ZNF831: variants seen among roughly 807,000 people sequenced by gnomAD.
ZNF831 encodes the protein chromosome 20 open reading frame 174.
In ZNF831, 59 loss-of-function variants were observed where a neutral mutation model predicts 95.8. That is an observed-to-expected ratio of 0.62 (90% confidence interval 0.50 to 0.77). The LOEUF (loss-of-function observed/expected upper bound fraction) is 0.77. Among genes scored for constraint, ZNF831 ranks in the 30% least tolerant of loss-of-function variants. The pLI is 0.00. For missense variants in ZNF831, 2,205 were observed against 2,164.0 expected (o/e 1.02, Z -0.38); for synonymous variants, 961 against 925.5 (o/e 1.04, Z -0.70).
intron 1 of ZNF831, among the ~76,000 whole-genome samples, chr20:59,137,279 CTTT>C (rs11469830): frequency 0.14 from 21,350 of 148,984 alleles, 1,737 homozygotes; most frequent in East Asian, 0.29. Flanking sequence ...TCCAATACAT[CTTT>C]TTTTTTTTTT....
intron 4 of ZNF831, among the ~76,000 whole-genome samples, chr20:59,239,566 T>TC (rs1183821159): frequency 1.1e-3 from 166 of 151,384 alleles, no homozygotes; most frequent in African/African-American, 3.8e-3. Context: ...TTTTTTTTTT[T>TC]TGAGATAGAG....
chr20:59,221,025 A>T (rs1433067897), intron 4 of ZNF831, among the ~76,000 whole-genome samples: 1 of 152,154 alleles, frequency 6.6e-6, no homozygotes, highest in Non-Finnish European at 1.5e-5. Context: ...GGAATACCTG[A>T]CTCATTTGCC....
At chr20:59,190,587 G>A (rs577210075) in intron 1 of ZNF831, among the ~76,000 whole-genome samples, 1 of 152,340 alleles carries the variant, frequency 6.6e-6, no homozygotes, top group African/African-American at 2.4e-5. Flanking sequence ...TGTGAACTTC[G>A]AGGACCTTGA....
intron 1 of ZNF831, among the ~76,000 whole-genome samples, chr20:59,164,835 G>A (rs1327240854): frequency 6.6e-5 from 10 of 152,292 alleles, no homozygotes; most frequent in African/African-American, 2.2e-4. Flanking sequence ...TGCTCTGAGA[G>A]GTAACGTGTT....
chr20:59,195,564 C>G (rs143190408), intron 2 of ZNF831, among the ~76,000 whole-genome samples: 85 of 152,092 alleles, frequency 5.6e-4, no homozygotes, highest in African/African-American at 2.0e-3. Context: ...TGGGGGCTCC[C>G]GGGGAGGTGG....
At chr20:59,182,451 G>T (rs1382246403) in intron 1 of ZNF831, among the ~76,000 whole-genome samples, 1 of 152,046 alleles carries the variant, frequency 6.6e-6, no homozygotes, top group African/African-American at 2.4e-5. Flanking sequence ...TCACAGGGAG[G>T]GGGTAAGTGG....
At chr20:59,225,946 G>T (rs1346650817) in intron 4 of ZNF831, among the ~76,000 whole-genome samples, 1 of 152,218 alleles carries the variant, frequency 6.6e-6, no homozygotes, top group Non-Finnish European at 1.5e-5. Flanking sequence ...ATGTGACCAG[G>T]TCTCTGTTGA....
intron 2 of ZNF831, among the ~76,000 whole-genome samples, chr20:59,147,897 C>T (rs1180723221): frequency 6.6e-6 from 1 of 152,226 alleles, no homozygotes; most frequent in Non-Finnish European, 1.5e-5. Context: ...TGAAGCCTTG[C>T]TTTCTGAGGT....
At position 59,253,088 on chromosome 20, in the gene ZNF831, CTT is replaced by C. The variant is rs778672244; in HGVS notation, c.4139_4140del (p.Leu1380ArgfsTer24). The C allele has an allele frequency of 7.4e-6, 12 of 1,614,132 alleles. No individual in the cohort carries two copies. The highest frequency in any genetic ancestry group is 2.2e-5 in the East Asian group (1 of 44,884). On this transcript the variant is annotated frameshift_variant, in exon 5 of 6. Transcript: ENST00000371030. LOFTEE classifies it low-confidence loss of function (END_TRUNC). ...CAGACAAACCTTAGGAACCCTCTCT[CTT>C]GGTACAAGTTCAAGAATTGTCAGGG... Reference protein sequence around the residue: ...DCRQTLGTLSLGTSSRIVREM... With the variant: ...DCRQTLGTLSXGTSSRIVREM...
intron 1 of ZNF831, among the ~76,000 whole-genome samples, chr20:59,186,010 C>T (rs1983001351): frequency 1.3e-5 from 2 of 152,204 alleles, no homozygotes; most frequent in South Asian, 4.1e-4. Context: ...GGCCACAGAG[C>T]CTACCCCGTG....
chr20:59,174,778 A>C (rs1293251079), intron 1 of ZNF831, among the ~76,000 whole-genome samples: 3 of 152,152 alleles, frequency 2.0e-5, no homozygotes, highest in African/African-American at 7.2e-5. Flanking sequence ...CCCCAAAACA[A>C]AAAAGAAAAA....
intron 2 of ZNF831, among the ~76,000 whole-genome samples, chr20:59,152,466 C>CT (rs1241270614): frequency 6.6e-6 from 1 of 152,106 alleles, no homozygotes; most frequent in Non-Finnish European, 1.5e-5. Flanking sequence ...GGAGGAGAGC[C>CT]TGGGGGCCTT....
chr20:59,194,072 A>C lies in ZNF831; in HGVS notation c.3053A>C (p.Lys1018Thr). Residue 1018 changes from lysine to threonine, a missense_variant, in exon 2 of 6, where the codon AAA becomes ACA. Lys to Thr is a moderately conservative substitution (Grantham distance 78). Coordinates refer to ENST00000371030, the MANE Select transcript of ZNF831 (RefSeq NM_178457.3). ...PSCSRPQDGR[K>T]GAQLGGDKGD... ...TGTTCCAGGCCACAGGATGGGAGAA[A>C]AGGGGCACAGTTGGGGGGGGACAAG... 3 of 1,532,208 alleles carry C rather than the reference A, an allele frequency of 2.0e-6. No homozygotes were observed. Among genetic ancestry groups the C allele is most frequent in the Non-Finnish European group, 2.6e-6 (3 of 1,140,644 alleles). 94.9% of individuals were successfully genotyped at this position (1,532,208 alleles called of 1,614,324 possible). A position where few individuals can be genotyped will look rare whatever the true frequency, so the allele number is the denominator to read the frequency against.
At chr20:59,149,542 A>G (rs1472490976) in intron 2 of ZNF831, among the ~76,000 whole-genome samples, 1 of 152,246 alleles carries the variant, frequency 6.6e-6, no homozygotes, top group East Asian at 1.9e-4. Flanking sequence ...TAATATATCT[A>G]TTGATCTTAC....
intron 4 of ZNF831, among the ~76,000 whole-genome samples, chr20:59,236,473 T>C (rs548401350): frequency 8.5e-5 from 13 of 152,288 alleles, no homozygotes; most frequent in African/African-American, 2.9e-4. Flanking sequence ...TTTTGTTTTT[T>C]TGAGACAGAG....
At chr20:59,231,179 C>G (rs756649209) in intron 4 of ZNF831, among the ~76,000 whole-genome samples, 1 of 152,160 alleles carries the variant, frequency 6.6e-6, no homozygotes, top group African/African-American at 2.4e-5. Context: ...ATGAGTTACC[C>G]GGTCATACTT....
intron 3 of ZNF831, among the ~76,000 whole-genome samples, chr20:59,197,316 G>A (rs1018809970): frequency 4.6e-5 from 7 of 152,090 alleles, no homozygotes; most frequent in Non-Finnish European, 5.9e-5. Flanking sequence ...CATTGTTTCA[G>A]GAGATCCCAC....
At chr20:59,177,622 G>A (rs1982271941) in intron 1 of ZNF831, among the ~76,000 whole-genome samples, 1 of 152,168 alleles carries the variant, frequency 6.6e-6, no homozygotes. Flanking sequence ...TGACATTCTT[G>A]TTAGGGATGC....
At chr20:59,248,366 T>C (rs1055762302) in intron 4 of ZNF831, among the ~76,000 whole-genome samples, 2 of 152,244 alleles carry the variant, frequency 1.3e-5, no homozygotes, top group African/African-American at 4.8e-5. Context: ...AGCAAGTTAG[T>C]GTCCTTCCTC....
Sources: gnomAD v4.1 joint callset for allele counts (sites outside exome capture counted in the v4.1 genomes callset) on GRCh38, gnomAD v4.1.1 for gene constraint, MANE v1.5 for transcripts, NCBI Gene and HGNC (gene_info 2026-07-23, HGNC 2026-07-21) for gene names.